CRACR2A: variants seen among roughly 807,000 people sequenced by gnomAD.
CRACR2A encodes EF-hand calcium-binding domain-containing protein 4B.
A neutral mutation model predicts 90.5 loss-of-function variants in CRACR2A; 79 were observed. That is an observed-to-expected ratio of 0.87 (90% CI 0.73 to 1.05). The LOEUF (loss-of-function observed/expected upper bound fraction) is 1.05. CRACR2A is among the 50% of genes least tolerant of loss of function. The pLI, the probability that CRACR2A is intolerant of heterozygous loss-of-function variation, is 0.00. For synonymous variants in CRACR2A, 338 were observed against 356.7 expected (o/e 0.95, Z 0.59); for missense variants, 823 against 897.2 (o/e 0.92, Z 1.06).
chr12:3,709,105 C>T (rs755484843), intron 3 of CRACR2A, among the ~76,000 whole-genome samples: 3 of 152,120 alleles, frequency 2.0e-5, no homozygotes, highest in East Asian at 1.9e-4. Context: ...CAGGGGACAA[C>T]GTACAAACAG....
In CRACR2A at chr12:3,654,316, C is replaced by G; in HGVS notation, c.942G>C (p.Glu314Asp). Residue 314 changes from glutamate (E) to aspartate (D), a missense_variant, in exon 10 of 20, where the codon GAG (glutamate) becomes GAC (aspartate). Glu to Asp is a conservative substitution (Grantham distance 45, BLOSUM62 2). Transcript: ENST00000440314. ...ENTKLKLTNQ[E>D]LARELERTSW... ...AAGTCCGCTCCAGCTCCCGGGCCAG[C>G]TCCTGGTTAGTGAGTTTCAGCTTGG... 6.2e-7 allele frequency: 1 copy of G among 1,614,086 alleles called. No homozygotes were observed. The highest frequency in any genetic ancestry group is 1.1e-5 in the South Asian group (1 of 91,076).
intron 17 of CRACR2A, among the ~76,000 whole-genome samples, chr12:3,623,382 C>T (rs148721400): frequency 4.1e-4 from 63 of 152,252 alleles, no homozygotes; most frequent in South Asian, 1.5e-3. Context: ...GCCATCAGAA[C>T]GACAAGAGGC....
intron 13 of CRACR2A, among the ~76,000 whole-genome samples, chr12:3,640,176 A>C (rs1944539260): frequency 6.6e-6 from 1 of 152,244 alleles, no homozygotes; most frequent in Non-Finnish European, 1.5e-5. Context: ...TGGTTTTACC[A>C]CCAAGTGCTC....
chr12:3,740,912 C>T (rs189150823), intron 1 of CRACR2A, among the ~76,000 whole-genome samples: 2 of 152,290 alleles, frequency 1.3e-5, no homozygotes, highest in South Asian at 4.1e-4. Context: ...ATATGGTGGG[C>T]TCTCAGTGAG....
chr12:3,655,170 G>C (rs1944876682), intron 9 of CRACR2A, among the ~76,000 whole-genome samples: 1 of 152,188 alleles, frequency 6.6e-6, no homozygotes, highest in Admixed American at 6.5e-5. Flanking sequence ...AATTTGGCGT[G>C]ATTCTCAAGA....
intron 8 of CRACR2A, among the ~76,000 whole-genome samples, chr12:3,657,812 C>T (rs965305822): frequency 2.0e-5 from 3 of 152,130 alleles, no homozygotes; most frequent in African/African-American, 7.2e-5. Context: ...CCTCACAATG[C>T]GCCAGGACAG....
chr12:3,703,096 C>CT (rs1196258187), intron 3 of CRACR2A, among the ~76,000 whole-genome samples: 2 of 152,102 alleles, frequency 1.3e-5, no homozygotes, highest in African/African-American at 2.4e-5. Context: ...GCAAAAACAG[C>CT]TTTTTTGTTT....
In CRACR2A at chr12:3,615,411, TCA is replaced by T; in HGVS notation, c.2138_2139del (p.Val713GlufsTer12). 1 of 1,551,280 alleles carries T rather than the reference TCA, an allele frequency of 6.4e-7. No individual in the cohort carries two copies. Among genetic ancestry groups the T allele is most frequent in the African/African-American group, 1.4e-5 (1 of 73,130 alleles). ...TGGCCGACCTGAATGGTGTCCTCTC[TCA>T]CTGTGTCTTCTTGCTCCTTGAGGAA... ...ARFLKEQEDTVREDTIQVGHP... is the reference protein window; with the variant it reads ...ARFLKEQEDTXREDTIQVGHP... On this transcript the variant is annotated frameshift_variant, in exon 20 of 20. Coordinates refer to ENST00000440314, the MANE Select transcript of CRACR2A (RefSeq NM_001144958.2). LOFTEE classifies it high-confidence loss of function.
chr12:3,744,731 A>G (rs1251902029), intron 1 of CRACR2A, among the ~76,000 whole-genome samples: 1 of 152,180 alleles, frequency 6.6e-6, no homozygotes, highest in Non-Finnish European at 1.5e-5. Flanking sequence ...ATGGCAGCAG[A>G]AAGATTACCC....
chr12:3,648,408 C>A (rs1269316486), intron 11 of CRACR2A, 134 bp downstream of exon 11: 1 of 1,572,832 alleles, frequency 6.4e-7, no homozygotes. Flanking sequence ...GCACTGGGGA[C>A]CAAGGGAATT....
At chr12:3,686,601 G>A (rs987889336) in intron 4 of CRACR2A, among the ~76,000 whole-genome samples, 3 of 152,204 alleles carry the variant, frequency 2.0e-5, no homozygotes, top group African/African-American at 7.2e-5. Context: ...CCCAGCTGAT[G>A]GAGTCTCTTC....
At chr12:3,678,230 G>A (rs1945372519) in intron 6 of CRACR2A, among the ~76,000 whole-genome samples, 1 of 152,084 alleles carries the variant, frequency 6.6e-6, no homozygotes, top group Non-Finnish European at 1.5e-5. Flanking sequence ...TCAATGTCAG[G>A]GCTTAGATCC....
At chr12:3,732,377 C>G (rs1946374081) in intron 2 of CRACR2A, 1 of 152,290 alleles carries the variant, frequency 6.6e-6, no homozygotes, top group South Asian at 2.1e-4. Flanking sequence ...CACCCACGAC[C>G]AGCAGATGCC....
At chr12:3,653,149 AT>A (rs1353728964) in intron 10 of CRACR2A, among the ~76,000 whole-genome samples, 1 of 152,172 alleles carries the variant, frequency 6.6e-6, no homozygotes, top group African/African-American at 2.4e-5. Flanking sequence ...TGCCTGGCTA[AT>A]TTTTGTATTT....
intron 7 of CRACR2A, among the ~76,000 whole-genome samples, chr12:3,660,866 ACACAC>A (rs1945018712): frequency 6.1e-5 from 9 of 146,618 alleles, no homozygotes; most frequent in Non-Finnish European, 1.3e-4. Flanking sequence ...ACACACACAC[ACACAC>A]ACACACACAC....
In CRACR2A at chr12:3,638,318, T is replaced by A. The variant is rs1377647828; in HGVS notation, c.1408A>T (p.Arg470Ter). 3.2e-6 allele frequency: 5 copies of A among 1,551,526 alleles called. No individual in the cohort carries two copies. Among genetic ancestry groups the A allele is most frequent in the Admixed American group, 3.9e-5 (2 of 50,978 alleles). Residue 470 changes from arginine to a stop codon, truncating the protein, a stop_gained, in exon 14 of 20, where the codon AGA (arginine) becomes TGA (stop). Transcript: ENST00000440314. LOFTEE classifies it high-confidence loss of function. The stretch of plus-strand genomic sequence containing the variant: ...GGGTCTTCTTCAACGGAGATGATTC[T>A]GCGGAGCGGCCGGGGGTACGGACCC... The part of the protein sequence containing the change: ...PGGPYPRPLR[R>*]IISVEEDPLP...
At chr12:3,628,822 G>A (rs1944326341) in intron 15 of CRACR2A, among the ~76,000 whole-genome samples, 1 of 152,162 alleles carries the variant, frequency 6.6e-6, no homozygotes, top group African/African-American at 2.4e-5. Flanking sequence ...AGACAGAAGA[G>A]ACCAAACAGA....
chr12:3,749,236 A>G (rs1335756192), intron 1 of CRACR2A, among the ~76,000 whole-genome samples: 1 of 152,196 alleles, frequency 6.6e-6, no homozygotes, highest in Admixed American at 6.5e-5. Flanking sequence ...GAAGGTGACC[A>G]GTTTGCCTGG....
chr12:3,679,112 G>A lies in CRACR2A; in HGVS notation c.341-14C>T, dbSNP rs538559721. 6.2e-7 allele frequency: 1 copy of A among 1,606,534 alleles called. No individual in the cohort carries two copies. The highest frequency in any genetic ancestry group is 8.5e-7 in the Non-Finnish European group (1 of 1,177,014). On this transcript the variant is annotated splice_polypyrimidine_tract_variant and intron_variant, in intron 5 of 19. Coordinates refer to ENST00000440314, the MANE Select transcript of CRACR2A (RefSeq NM_001144958.2). ...AGAAGAAGTGACCTGGGGGGTGCAG[G>A]GCACAAGGATCCGAATTAGACCATA...
Sources: allele counts gnomAD v4.1 joint callset (sites outside exome capture counted in the v4.1 genomes callset), GRCh38; gene constraint gnomAD v4.1.1; transcripts MANE v1.5; gene names NCBI Gene and HGNC (gene_info 2026-07-23, HGNC 2026-07-21).